NEBL: variants seen among roughly 807,000 people sequenced by gnomAD.
NEBL encodes LIM and SH3 protein 2.
A neutral mutation model predicts 140.2 loss-of-function variants in NEBL; 122 were observed. The observed-to-expected ratio is 0.87, with a 90% CI of 0.75 to 1.01. The LOEUF (loss-of-function observed/expected upper bound fraction) is 1.01. Ranked by LOEUF, NEBL falls within the 50% of genes least tolerant of loss-of-function variation. NEBL has a pLI of 0.00. For missense variants in NEBL, 1,365 were observed against 1,231.3 expected (o/e 1.11, Z -1.62); for synonymous variants, 436 against 398.9 (o/e 1.09, Z -1.11).
intron 27 of NEBL, among the ~76,000 whole-genome samples, chr10:20,786,972 T>C (rs1835467781): frequency 6.6e-6 from 1 of 152,208 alleles, no homozygotes; most frequent in African/African-American, 2.4e-5. Context: ...GTAGATTCTT[T>C]GTATGTTTTA....
chr10:20,812,919 C>G lies in NEBL; in HGVS notation c.2368G>C (p.Glu790Gln). ...ISMVKYHEDFEKTKGRGFTPV... is the reference protein window; with the variant it reads ...ISMVKYHEDFQKTKGRGFTPV... Reference sequence around the variant, plus strand: ...GTAAAGCCTCTCCCCTTTGTTTTTTCAAAATCTTCATGGTATTTTACCTGA... The same window carrying G: ...GTAAAGCCTCTCCCCTTTGTTTTTTGAAAATCTTCATGGTATTTTACCTGA... The change falls in exon 24 of 28, where the codon GAA becomes CAA. Residue 790 changes from glutamate (E) to glutamine (Q), a missense_variant. Coordinates refer to ENST00000377122, the MANE Select transcript of NEBL (RefSeq NM_006393.3). 6.2e-7 allele frequency: 1 copy of G among 1,613,782 alleles called. No homozygotes were observed. Among genetic ancestry groups the G allele is most frequent in the Non-Finnish European group, 8.5e-7 (1 of 1,179,844 alleles).
intron 1 of NEBL, among the ~76,000 whole-genome samples, chr10:21,256,322 C>T (rs964086630): frequency 4.6e-5 from 7 of 152,084 alleles, no homozygotes; most frequent in Non-Finnish European, 1.0e-4. Flanking sequence ...CCCACCTTGG[C>T]CTCCCAAAAT....
chr10:21,173,035 CA>C lies in NEBL; in HGVS notation c.70-559del, dbSNP rs1468565187. ...AAGGAAGCATTTGTATCTTCAGACG[CA>C]AATTTCCCCAGAACGCCCCTGGCTG... is the stretch of plus-strand genomic sequence containing the variant. On this transcript the variant is annotated intron_variant, in intron 1 of 6. Transcript: ENST00000417816. The surrounding 1 kb of genome is among the most constrained non-coding windows in gnomAD (Gnocchi z 5.7). Among the ~76,000 whole-genome samples the C allele has an allele frequency of 6.6e-6, 1 of 152,176 alleles. No individual in the cohort carries two copies. The highest frequency in any genetic ancestry group is 1.5e-5 in the Non-Finnish European group (1 of 68,038).
chr10:21,155,610 A>G (rs1378142886), intron 2 of NEBL, among the ~76,000 whole-genome samples: 1 of 152,216 alleles, frequency 6.6e-6, no homozygotes, highest in Non-Finnish European at 1.5e-5. Context: ...GCCTATAATA[A>G]GGTAACATTT....
At chr10:21,196,459 C>T (rs1362146463) in intron 3 of NEBL, among the ~76,000 whole-genome samples, 3 of 151,910 alleles carry the variant, frequency 2.0e-5, no homozygotes, top group Non-Finnish European at 2.9e-5. Flanking sequence ...ATTCTCCTGC[C>T]TCAGCCTCCC....
chr10:20,814,004 G>T lies in NEBL; in HGVS notation c.2281C>A (p.Pro761Thr). ...GCAGGTGTATCTAAAATCAGACTTG[G>T]TCTACCTTTCATCTGTTTATGGTCC... is the stretch of plus-strand genomic sequence containing the variant. ...TQDHKQMKGR[P>T]SLILDTPAMR... Residue 761 changes from proline to threonine, a missense_variant, in exon 23 of 28, where the codon CCA (proline) becomes ACA (threonine). Coordinates refer to ENST00000377122, the MANE Select transcript of NEBL (RefSeq NM_006393.3). The T allele has an allele frequency of 6.2e-7, 1 of 1,610,774 alleles. No individual in the cohort carries two copies. Among genetic ancestry groups the T allele is most frequent in the Non-Finnish European group, 8.5e-7 (1 of 1,177,102 alleles).
rs376331170 is a variant in NEBL, at chr10:21,185,446, CA to C, written n.349-12970del. On this transcript the variant is annotated intron_variant and non_coding_transcript_variant, in intron 3 of 8. Coordinates refer to the NEBL transcript ENST00000675702. Reference sequence around the variant, plus strand: ...GGAGAGAGGTCACCACCAAGCTAAGCACACAGAATTTCGACTTCTCTTTCGG... The same window carrying C: ...GGAGAGAGGTCACCACCAAGCTAAGCCACAGAATTTCGACTTCTCTTTCGG... 9.3e-5 allele frequency among the ~76,000 whole-genome samples: 14 copies of C among 149,884 alleles called. No homozygotes were observed. The East Asian group carries it at 2.5e-3, about 27-fold the overall frequency.
chr10:20,882,072 G>C (rs1332753286), intron 4 of NEBL, among the ~76,000 whole-genome samples: 1 of 152,156 alleles, frequency 6.6e-6, no homozygotes, highest in Non-Finnish European at 1.5e-5. Flanking sequence ...CAGCTACATG[G>C]GAGGCTGAGG....
rs144252404 is a variant in NEBL, at chr10:20,829,077, A to T, written c.1672-443T>A. 7.8e-3 allele frequency among the ~76,000 whole-genome samples: 1,184 copies of T among 152,218 alleles called. 10 individuals carry two copies. The highest frequency in any genetic ancestry group is 0.027 in the African/African-American group (1,110 of 41,524). On this transcript the variant is annotated intron_variant, in intron 16 of 27. Transcript: ENST00000377122. Reference sequence around the variant, plus strand: ...CACACTAACTCATTTAATCAACCTGACAAGCAGATACTATTATTATTTCCA... The same window carrying T: ...CACACTAACTCATTTAATCAACCTGTCAAGCAGATACTATTATTATTTCCA...
chr10:21,155,785 G>A (rs914960954), intron 2 of NEBL, among the ~76,000 whole-genome samples: 21 of 152,214 alleles, frequency 1.4e-4, no homozygotes, highest in African/African-American at 4.8e-4. Flanking sequence ...CGTTGGAAAA[G>A]CACTATCACA....
chr10:20,949,770 T>C (rs2131590615), intron 4 of NEBL, among the ~76,000 whole-genome samples: 1 of 152,332 alleles, frequency 6.6e-6, no homozygotes, highest in East Asian at 1.9e-4. Flanking sequence ...CGTCTTTATT[T>C]CCTTATTTAA....
intron 3 of NEBL, among the ~76,000 whole-genome samples, chr10:21,206,510 T>C (rs568652642): frequency 6.6e-6 from 1 of 152,294 alleles, no homozygotes; most frequent in African/African-American, 2.4e-5. Flanking sequence ...GGGTAGAAAC[T>C]GTGGATTGCT....
At chr10:21,092,560 C>T (rs774417987) in intron 2 of NEBL, among the ~76,000 whole-genome samples, 33 of 148,376 alleles carry the variant, frequency 2.2e-4, no homozygotes, top group Non-Finnish European at 4.0e-4. Flanking sequence ...TTTTAATTCA[C>T]ATGGACTTCT....
At chr10:21,274,015 T>C (rs1202836085) in intron 1 of NEBL, among the ~76,000 whole-genome samples, 2 of 152,170 alleles carry the variant, frequency 1.3e-5, no homozygotes, top group African/African-American at 4.8e-5. Context: ...GTAACTTGCA[T>C]CTGACCAATA....
chr10:21,281,490 T>C (rs1376685997), intron 1 of NEBL, among the ~76,000 whole-genome samples: 1 of 150,840 alleles, frequency 6.6e-6, no homozygotes, highest in Non-Finnish European at 1.5e-5. Flanking sequence ...TTCTTTCTTT[T>C]TTTTTTTATA....
At position 20,784,183 on chromosome 10, in the gene NEBL, C is replaced by A. The variant is rs1317488651; in HGVS notation, c.*1564G>T. ...ATCTTAGTACTTTTTTGCAGTTTTG[C>A]TTTTTCGGTTTTGTCATAGCTGTGA... On this transcript the variant is annotated 3_prime_UTR_variant, in exon 28 of 28. Transcript: ENST00000377122. 6.6e-6 allele frequency: 1 copy of A among 152,126 alleles called. No individual in the cohort carries two copies. The highest frequency in any genetic ancestry group is 1.5e-5 in the Non-Finnish European group (1 of 68,034). The allele number at this position is 152,126 out of a possible 1,614,324, so 9.4% of individuals were successfully genotyped here.
At chr10:21,211,306 G>A (rs1389388282) in intron 3 of NEBL, among the ~76,000 whole-genome samples, 4 of 142,922 alleles carry the variant, frequency 2.8e-5, no homozygotes, top group South Asian at 2.1e-4. Flanking sequence ...TAGGAAGACC[G>A]CGTTTCTACA....
At chr10:21,241,386 C>T (rs1040558460) in intron 3 of NEBL, among the ~76,000 whole-genome samples, 3 of 152,148 alleles carry the variant, frequency 2.0e-5, no homozygotes, top group Non-Finnish European at 2.9e-5. Context: ...GTTGCATTCC[C>T]GTTCCAGGCG....
At chr10:21,143,030 G>A (rs1839714572) in intron 2 of NEBL, among the ~76,000 whole-genome samples, 1 of 152,102 alleles carries the variant, frequency 6.6e-6, no homozygotes, top group Non-Finnish European at 1.5e-5. Context: ...TGTGATTAAA[G>A]TATAGAAATA....
Sources: allele counts gnomAD v4.1 joint callset (sites outside exome capture counted in the v4.1 genomes callset), GRCh38; gene constraint gnomAD v4.1.1; non-coding constraint Gnocchi (gnomAD v3.1); transcripts MANE v1.5; gene names NCBI Gene and HGNC (gene_info 2026-07-23, HGNC 2026-07-21).